ANKRD31: variants seen among roughly 807,000 people sequenced by gnomAD.
The protein encoded by ANKRD31 is ankyrin repeat domain-containing protein 31.
In ANKRD31, 147 loss-of-function variants were observed where a neutral mutation model predicts 186.0. That is an observed-to-expected ratio of 0.79 (90% CI 0.69 to 0.91). The LOEUF (loss-of-function observed/expected upper bound fraction) is 0.91, where lower values mean the gene tolerates loss of function less well. Ranked by LOEUF, ANKRD31 falls within the 40% of genes least tolerant of loss-of-function variation. The pLI, the probability that ANKRD31 is intolerant of heterozygous loss-of-function variation, is 0.00. For synonymous variants in ANKRD31, 673 were observed against 736.4 expected, an observed-to-expected ratio of 0.91 and a Z score of 1.39; for missense variants, 1,986 against 2,148.8, an observed-to-expected ratio of 0.92 and a Z score of 1.50.
At chr5:75,167,176 T>G (rs934062217) in intron 11 of ANKRD31, among the ~76,000 whole-genome samples, 11 of 149,026 alleles carry the variant, frequency 7.4e-5, no homozygotes, top group African/African-American at 2.7e-4. Context: ...AGATGTGGAT[T>G]TTTTTTTTTT....
chr5:75,126,202 G>A (rs1749242017), intron 17 of ANKRD31, among the ~76,000 whole-genome samples: 1 of 152,144 alleles, frequency 6.6e-6, no homozygotes, highest in African/African-American at 2.4e-5. Context: ...AGCACTTTGG[G>A]AGGCCAAGGT....
At chr5:75,219,809 A>T (rs530450932) in intron 3 of ANKRD31, among the ~76,000 whole-genome samples, 1 of 152,348 alleles carries the variant, frequency 6.6e-6, no homozygotes, top group South Asian at 2.1e-4. Context: ...CAAATGGAAC[A>T]GAAGAGAATG....
intron 3 of ANKRD31, among the ~76,000 whole-genome samples, chr5:75,216,638 A>G (rs1756978196): frequency 6.6e-6 from 1 of 152,148 alleles, no homozygotes; most frequent in South Asian, 2.1e-4. Flanking sequence ...CATTTATTTG[A>G]TACACTTTCC....
intron 24 of ANKRD31, 64 bp downstream of exon 24, chr5:75,084,208 G>A: frequency 8.7e-7 from 1 of 1,144,484 alleles, no homozygotes; most frequent in Non-Finnish European, 1.3e-6. Context: ...TAAAATGAGT[G>A]CTTTTCCAGT....
Position 75,195,214 on chromosome 5 carries a change from A to C in ANKRD31, c.1017+417T>G, listed in dbSNP as rs550540688. On this transcript the variant is annotated intron_variant, in intron 7 of 25. Transcript: ENST00000506364. The stretch of plus-strand genomic sequence containing the variant: ...ATATTCTATGTCAAAATGTAAATTA[A>C]TGTGGGGTATCCCATCAGTACTCTG... 5.8e-4 allele frequency among the ~76,000 whole-genome samples: 88 copies of C among 152,226 alleles called. 1 individual carries two copies. Among genetic ancestry groups the C allele is most frequent in the African/African-American group, 2.0e-3 (84 of 41,550 alleles).
intron 23 of ANKRD31, 144 bp downstream of exon 23, chr5:75,091,117 T>C: frequency 1.2e-6 from 1 of 844,564 alleles, no homozygotes; most frequent in Non-Finnish European, 1.7e-6. Flanking sequence ...TAGCATGATA[T>C]GCATACAGCA....
intron 17 of ANKRD31, 115 bp from the exon 18 acceptor site, chr5:75,118,412 T>C: frequency 9.5e-7 from 1 of 1,052,600 alleles, no homozygotes; most frequent in Non-Finnish European, 1.3e-6. Context: ...GTTTTCAAAC[T>C]CAGGTCAAGA....
At chr5:75,089,190 C>T (rs964537757) in intron 23 of ANKRD31, among the ~76,000 whole-genome samples, 7 of 152,140 alleles carry the variant, frequency 4.6e-5, no homozygotes, top group Admixed American at 3.3e-4. Flanking sequence ...TGCCTCCCAC[C>T]CACAAATCAC....
rs190823592 is a variant in ANKRD31, at chr5:75,154,192, T to G, written c.1852+9A>C. The G allele has an allele frequency of 1.3e-6, 2 of 1,497,930 alleles. No individual in the cohort carries two copies. Among genetic ancestry groups the G allele is most frequent in the South Asian group, 2.6e-5 (2 of 75,776 alleles). The allele number at this position is 1,497,930 out of a possible 1,614,324, so 92.8% of individuals were successfully genotyped here. ...GACAAATAGCTATTACAGGGCAGTTTAATCTTACCTGATGTAAGGCATTTT... is the reference window on the plus strand; with the variant it reads ...GACAAATAGCTATTACAGGGCAGTTGAATCTTACCTGATGTAAGGCATTTT... On this transcript the variant is annotated intron_variant, in intron 12 of 25. Transcript: ENST00000506364.
At chr5:75,077,648 G>A (rs1020241205) in intron 25 of ANKRD31, among the ~76,000 whole-genome samples, 3 of 151,886 alleles carry the variant, frequency 2.0e-5, no homozygotes, top group Non-Finnish European at 2.9e-5. Context: ...GTTCTTGGCC[G>A]GGCGCGGTGG....
In ANKRD31 at chr5:75,084,363, A is replaced by G. The variant is rs530956398; in HGVS notation, c.5484T>C (p.Leu1828=). Residue 1828 remains leucine (L), a synonymous_variant, in exon 24 of 26, where the codon CTT becomes CTC. Coordinates refer to ENST00000506364, the MANE Select transcript of ANKRD31 (RefSeq NM_001372053.1). The part of the protein sequence containing the change: ...WNYAWSKVTY[L]GKELLRYVSE... ...AAACATACCTTAAAAGCTCCTTCCC[A>G]AGATACGTTACCTGCACATAATTAA... 6.5e-7 allele frequency: 1 copy of G among 1,536,914 alleles called. No homozygotes were observed. Among genetic ancestry groups the G allele is most frequent in the Non-Finnish European group, 8.7e-7 (1 of 1,146,656 alleles).
chr5:75,087,339 T>C (rs766290248), intron 23 of ANKRD31, among the ~76,000 whole-genome samples: 14 of 151,976 alleles, frequency 9.2e-5, no homozygotes, highest in Non-Finnish European at 1.9e-4. Flanking sequence ...AAACCCCGTC[T>C]CTACTAAAAA....
rs1221429830 is a variant in ANKRD31, at chr5:75,193,595, C to T, written c.1018-4G>A. The stretch of plus-strand genomic sequence containing the variant: ...ATGGATTTGGGTCTTGCAGAGTCTG[C>T]AAATACGTAAATACATCCACAAAAA... On this transcript the variant is annotated splice_region_variant and splice_polypyrimidine_tract_variant and intron_variant, in intron 7 of 25. Coordinates refer to ENST00000506364, the MANE Select transcript of ANKRD31 (RefSeq NM_001372053.1). 1.3e-6 allele frequency: 2 copies of T among 1,526,058 alleles called. No individual in the cohort carries two copies. Among genetic ancestry groups the T allele is most frequent in the Admixed American group, 2.0e-5 (1 of 49,678 alleles). The allele number at this position is 1,526,058 out of a possible 1,614,324, so 94.5% of individuals were successfully genotyped here.
chr5:75,151,987 G>T (rs1751871812), intron 12 of ANKRD31, among the ~76,000 whole-genome samples: 1 of 152,028 alleles, frequency 6.6e-6, no homozygotes, highest in Non-Finnish European at 1.5e-5. Flanking sequence ...ATGAATGAAT[G>T]AATGAATGAC....
At chr5:75,148,766 C>T (rs909736641) in intron 12 of ANKRD31, 138 bp from the exon 13 acceptor site, 7 of 543,770 alleles carry the variant, frequency 1.3e-5, no homozygotes, top group Non-Finnish European at 2.2e-5. Flanking sequence ...TTAAAATTGG[C>T]ACATACAACA....
chr5:75,089,094 C>T (rs573740997), intron 23 of ANKRD31, among the ~76,000 whole-genome samples: 50 of 152,184 alleles, frequency 3.3e-4, no homozygotes, highest in African/African-American at 1.2e-3. Context: ...TTTCTAAAGG[C>T]CCTCAAGTGA....
intron 18 of ANKRD31, among the ~76,000 whole-genome samples, chr5:75,117,798 A>G (rs1234668777): frequency 6.6e-6 from 1 of 152,100 alleles, no homozygotes; most frequent in African/African-American, 2.4e-5. Flanking sequence ...CTTCAGTATA[A>G]TGTCGCCCTT....
intron 22 of ANKRD31, among the ~76,000 whole-genome samples, chr5:75,096,439 A>C (rs1234751400): frequency 6.6e-6 from 1 of 151,710 alleles, no homozygotes; most frequent in East Asian, 1.9e-4. Flanking sequence ...AGATTGCAAA[A>C]TTTTTCTCCC....
chr5:75,161,583 A>C (rs954668260), intron 11 of ANKRD31, among the ~76,000 whole-genome samples: 1 of 152,198 alleles, frequency 6.6e-6, no homozygotes, highest in African/African-American at 2.4e-5. Flanking sequence ...CATAAGTAAT[A>C]AACAGCTGAA....
Sources: gnomAD v4.1 joint callset for allele counts (sites outside exome capture counted in the v4.1 genomes callset) on GRCh38, gnomAD v4.1.1 for gene constraint, MANE v1.5 for transcripts, NCBI Gene and HGNC (gene_info 2026-07-23, HGNC 2026-07-21) for gene names.